The following NEBL variants were observed in gnomAD, a reference collection of about 807,000 sequenced individuals.
NEBL encodes the protein LIM and SH3 protein 2.
NEBL carries 122 observed loss-of-function variants against 140.2 expected under a neutral mutation model. The observed-to-expected ratio is 0.87, with a 90% CI of 0.75 to 1.01. The LOEUF is 1.01. Ranked by LOEUF, NEBL falls within the 50% of genes least tolerant of loss-of-function variation. NEBL has a pLI of 0.00. For synonymous variants in NEBL, 436 were observed against 398.9 expected (o/e 1.09, Z -1.11); for missense variants, 1,365 against 1,231.3 (o/e 1.11, Z -1.62).
intron 4 of NEBL, among the ~76,000 whole-genome samples, chr10:20,925,894 G>A (rs1350138879): frequency 6.6e-6 from 1 of 152,088 alleles, no homozygotes; most frequent in African/African-American, 2.4e-5. Context: ...AAAGCTCTGA[G>A]ATTTTTCACA....
intron 2 of NEBL, among the ~76,000 whole-genome samples, chr10:21,078,979 G>C (rs916439402): frequency 1.3e-5 from 2 of 152,174 alleles, no homozygotes; most frequent in South Asian, 4.1e-4. Context: ...ATTAAGCCCT[G>C]ACAGCCTTTA....
At chr10:21,004,697 G>A (rs565460777) in intron 3 of NEBL, among the ~76,000 whole-genome samples, 2 of 151,560 alleles carry the variant, frequency 1.3e-5, no homozygotes, top group Non-Finnish European at 2.9e-5. Flanking sequence ...TCCAGCCTGG[G>A]GCACAAAGCG....
intron 26 of NEBL, among the ~76,000 whole-genome samples, chr10:20,796,224 G>A (rs559469021): frequency 1.1e-4 from 16 of 151,922 alleles, no homozygotes; most frequent in South Asian, 2.1e-4. Flanking sequence ...TTAGCAGGGC[G>A]TAGTGGTGGG....
intron 2 of NEBL, among the ~76,000 whole-genome samples, chr10:21,250,833 C>T (rs1157263027): frequency 6.6e-6 from 1 of 152,116 alleles, no homozygotes; most frequent in Non-Finnish European, 1.5e-5. Flanking sequence ...GAGGAGGTTG[C>T]AGTGAGCTGA....
At chr10:21,271,059 T>C (rs1410419236) in intron 1 of NEBL, among the ~76,000 whole-genome samples, 1 of 152,198 alleles carries the variant, frequency 6.6e-6, no homozygotes, top group African/African-American at 2.4e-5. Flanking sequence ...ACTCTTGTGT[T>C]CACTGAAGCA....
At chr10:20,876,211 A>G (rs1845481765) in intron 5 of NEBL, among the ~76,000 whole-genome samples, 1 of 152,228 alleles carries the variant, frequency 6.6e-6, no homozygotes. Flanking sequence ...AAGGAGTAAA[A>G]TACAGAGTTA....
At chr10:20,868,373 T>C in intron 7 of NEBL, 1 of 373,106 alleles carries the variant, frequency 2.7e-6, no homozygotes, top group Non-Finnish European at 5.0e-6. Context: ...GTATGACTAT[T>C]AATGACTTCT....
At chr10:21,113,417 AG>A (rs1354334576) in intron 2 of NEBL, 1 of 422,436 alleles carries the variant, frequency 2.4e-6, no homozygotes, top group Non-Finnish European at 4.5e-6. Context: ...GTGGAAGCCA[AG>A]TTCATCAATT....
intron 1 of NEBL, among the ~76,000 whole-genome samples, chr10:21,278,805 G>A (rs962245418): frequency 6.6e-6 from 1 of 152,086 alleles, no homozygotes; most frequent in African/African-American, 2.4e-5. Context: ...ACATAGCCAG[G>A]GAGTTCTCTG....
intron 2 of NEBL, among the ~76,000 whole-genome samples, chr10:21,043,478 T>G (rs1589167239): frequency 6.6e-6 from 1 of 152,232 alleles, no homozygotes; most frequent in African/African-American, 2.4e-5. Context: ...AACTTTAAGA[T>G]ATCATTCTTC....
At chr10:21,166,260 A>T (rs1473052718) in intron 2 of NEBL, among the ~76,000 whole-genome samples, 5 of 101,068 alleles carry the variant, frequency 4.9e-5, no homozygotes, top group East Asian at 4.0e-4. Flanking sequence ...AGAAAAAAAA[A>T]TTTTCTACAT....
intron 3 of NEBL, among the ~76,000 whole-genome samples, chr10:21,247,271 T>C (rs746681016): frequency 4.0e-4 from 61 of 152,212 alleles, no homozygotes; most frequent in Non-Finnish European, 7.6e-4. Context: ...GGAATACTAT[T>C]CAGCAATAAA....
intron 2 of NEBL, among the ~76,000 whole-genome samples, chr10:21,114,541 G>C (rs1013048928): frequency 6.6e-6 from 1 of 151,970 alleles, no homozygotes; most frequent in African/African-American, 2.4e-5. Flanking sequence ...CCACCTAAAT[G>C]GTGGTCTGGC....
chr10:20,882,941 G>A (rs935213356), intron 4 of NEBL, among the ~76,000 whole-genome samples: 10 of 152,242 alleles, frequency 6.6e-5, no homozygotes, highest in African/African-American at 1.9e-4. Flanking sequence ...GTGGCCTTAT[G>A]AAAAGAGCCT....
intron 2 of NEBL, among the ~76,000 whole-genome samples, chr10:21,020,834 G>C (rs997263773): frequency 6.6e-6 from 1 of 152,054 alleles, no homozygotes; most frequent in African/African-American, 2.4e-5. Flanking sequence ...CCCCACTCAA[G>C]GTCCTCACCT....
chr10:20,949,630 C>T (rs1835353183), intron 4 of NEBL, among the ~76,000 whole-genome samples: 1 of 152,034 alleles, frequency 6.6e-6, no homozygotes, highest in Admixed American at 6.6e-5. Flanking sequence ...TTTTAAGATA[C>T]TGATTTTTTT....
At chr10:21,156,151 C>A (rs1243210086) in intron 2 of NEBL, among the ~76,000 whole-genome samples, 2 of 152,212 alleles carry the variant, frequency 1.3e-5, no homozygotes, top group African/African-American at 4.8e-5. Flanking sequence ...TGCTGGCATT[C>A]ATTTATTGGG....
chr10:21,109,815 A>G (rs891013247), intron 2 of NEBL, among the ~76,000 whole-genome samples: 9 of 152,036 alleles, frequency 5.9e-5, no homozygotes, highest in Non-Finnish European at 1.3e-4. Flanking sequence ...TTCTGATGGT[A>G]GTTTGTATTT....
intron 3 of NEBL, among the ~76,000 whole-genome samples, chr10:21,222,878 T>G (rs976269105): frequency 6.6e-6 from 1 of 152,198 alleles, no homozygotes; most frequent in Non-Finnish European, 1.5e-5. Flanking sequence ...TTCTCTGGCC[T>G]CAACCTCCCA....
Sources: allele counts gnomAD v4.1 joint callset (sites outside exome capture counted in the v4.1 genomes callset), GRCh38; gene constraint gnomAD v4.1.1; transcripts MANE v1.5; gene names NCBI Gene and HGNC (gene_info 2026-07-23, HGNC 2026-07-21).